The following COMMD1 variants were observed in gnomAD, a reference collection of about 807,000 sequenced individuals.
COMMD1 encodes the protein copper metabolism domain containing 1.
Under a neutral mutation model 17.2 loss-of-function variants are expected in COMMD1, and 10 were observed. The observed-to-expected ratio is 0.58, with a 90% CI of 0.36 to 0.99. The LOEUF is 0.99. COMMD1 is among the 50% of genes least tolerant of loss of function. The pLI, the probability that COMMD1 is intolerant of heterozygous loss-of-function variation, is 0.01. For missense variants in COMMD1, 270 were observed against 231.8 expected (o/e 1.17, Z -1.07); for synonymous variants, 97 against 91.6 (o/e 1.06, Z -0.34).
At chr2:61,912,170 G>A (rs906835534) in intron 1 of COMMD1, among the ~76,000 whole-genome samples, 11 of 152,056 alleles carry the variant, frequency 7.2e-5, no homozygotes, top group African/African-American at 2.2e-4. Flanking sequence ...GCATTAGGAG[G>A]GCAGGACTTT....
At chr2:62,125,674 T>A (rs1672866386) in intron 2 of COMMD1, among the ~76,000 whole-genome samples, 3 of 152,242 alleles carry the variant, frequency 2.0e-5, no homozygotes, top group Admixed American at 2.0e-4. Flanking sequence ...TGTTTTAAGA[T>A]ACAGCATAAA....
intron 2 of COMMD1, among the ~76,000 whole-genome samples, chr2:62,071,528 G>A (rs535327275): frequency 9.2e-5 from 14 of 152,078 alleles, no homozygotes; most frequent in Admixed American, 1.3e-4. Flanking sequence ...TACCCAGGCC[G>A]TATTCAAGAT....
At chr2:62,055,237 G>T (rs969659361) in intron 2 of COMMD1, among the ~76,000 whole-genome samples, 1 of 152,158 alleles carries the variant, frequency 6.6e-6, no homozygotes, top group Non-Finnish European at 1.5e-5. Flanking sequence ...TTCCATCTGG[G>T]CCTCTTTTCC....
At chr2:62,002,930 T>G (rs1420699520) in intron 2 of COMMD1, among the ~76,000 whole-genome samples, 2 of 151,940 alleles carry the variant, frequency 1.3e-5, no homozygotes, top group Non-Finnish European at 2.9e-5. Context: ...CTAGTTTGTC[T>G]GATCCTAAAG....
At chr2:61,911,155 A>G (rs1669896251) in intron 1 of COMMD1, among the ~76,000 whole-genome samples, 1 of 150,044 alleles carries the variant, frequency 6.7e-6, no homozygotes, top group Non-Finnish European at 1.5e-5. Flanking sequence ...CATATACTCT[A>G]GTACTCATTT....
intron 2 of COMMD1, among the ~76,000 whole-genome samples, chr2:62,115,667 A>G (rs777946179): frequency 6.6e-5 from 10 of 152,204 alleles, no homozygotes; most frequent in Non-Finnish European, 1.5e-4. Context: ...TAGGAAATAT[A>G]CACTAAGCTA....
chr2:61,982,078 G>A (rs1016406503), intron 1 of COMMD1, among the ~76,000 whole-genome samples: 11 of 152,190 alleles, frequency 7.2e-5, no homozygotes, highest in African/African-American at 1.2e-4. Flanking sequence ...GCTTTGCATA[G>A]TATAGACATT....
chr2:62,135,012 T>A (rs959235056), intron 2 of COMMD1, among the ~76,000 whole-genome samples: 2 of 152,190 alleles, frequency 1.3e-5, no homozygotes, highest in African/African-American at 4.8e-5. Flanking sequence ...TTAGCTCACT[T>A]CCCAGACTAA....
chr2:62,055,337 G>T (rs1426175966), intron 2 of COMMD1: 5 of 427,336 alleles, frequency 1.2e-5, no homozygotes, highest in Non-Finnish European at 2.3e-5. Flanking sequence ...TATTTGAAAA[G>T]GGGGAAAGAC....
intron 2 of COMMD1, among the ~76,000 whole-genome samples, chr2:62,132,689 A>C (rs1328918107): frequency 6.6e-6 from 1 of 152,102 alleles, no homozygotes; most frequent in Non-Finnish European, 1.5e-5. Context: ...TATTGAAAAA[A>C]AATACAAAAA....
rs555366869 is a variant in COMMD1, at chr2:61,998,410, C to T, written c.181-2291C>T. On this transcript the variant is annotated intron_variant, in intron 1 of 2. Transcript: ENST00000311832. ...GAGTAGTTGGGATTACAGGCGTGCGCCACTACGCCCAGCTAATTTTTGTAT... is the reference window on the plus strand; with the variant it reads ...GAGTAGTTGGGATTACAGGCGTGCGTCACTACGCCCAGCTAATTTTTGTAT... 3.8e-4 allele frequency among the ~76,000 whole-genome samples: 58 copies of T among 152,256 alleles called. No individual in the cohort carries two copies. In the South Asian group the frequency reaches 1.0e-2, roughly 26 times the overall value.
upstream of COMMD1, chr2:61,905,550 C>T (rs369600690): frequency 1.4e-5 from 12 of 871,260 alleles, no homozygotes; most frequent in African/African-American, 1.2e-4. Context: ...CAACTCTGAC[C>T]CCTGGGGAAG....
chr2:62,087,067 G>A (rs1490173902), intron 2 of COMMD1, among the ~76,000 whole-genome samples: 1 of 152,024 alleles, frequency 6.6e-6, no homozygotes, highest in Non-Finnish European at 1.5e-5. Context: ...CAAATGACCT[G>A]CCTGCCTTCG....
chr2:62,013,271 T>A (rs1182750329), intron 2 of COMMD1, among the ~76,000 whole-genome samples: 1 of 150,104 alleles, frequency 6.7e-6, no homozygotes, highest in Non-Finnish European at 1.5e-5. Flanking sequence ...AAAAAAAAAA[T>A]ACAAAACAAC....
rs940513841 is a variant in COMMD1, at chr2:61,998,319, G to A, written c.181-2382G>A. ...CCAGGCTGAGGCTGGAAGTGCAGTC[G>A]TACTATCTTGGCTCACTGCAACCTC... On this transcript the variant is annotated intron_variant, in intron 1 of 2. Coordinates refer to ENST00000311832, the MANE Select transcript of COMMD1 (RefSeq NM_152516.4). Among the ~76,000 whole-genome samples, 16 of 149,490 alleles carry A rather than the reference G, an allele frequency of 1.1e-4. No individual in the cohort carries two copies. The East Asian group carries it at 2.0e-3, about 18-fold the overall frequency.
intron 2 of COMMD1, among the ~76,000 whole-genome samples, chr2:62,126,363 G>T (rs1227849510): frequency 1.3e-5 from 2 of 152,180 alleles, no homozygotes; most frequent in African/African-American, 2.4e-5. Flanking sequence ...TTCCACAATG[G>T]TTGGACTAAT....
intron 1 of COMMD1, among the ~76,000 whole-genome samples, chr2:61,990,652 T>C (rs1173914136): frequency 1.3e-5 from 2 of 152,144 alleles, no homozygotes; most frequent in African/African-American, 4.8e-5. Flanking sequence ...GTGAAAGTCA[T>C]GTCTCACATG....
intron 2 of COMMD1, among the ~76,000 whole-genome samples, chr2:62,103,953 A>G (rs144146279): frequency 0.015 from 2,309 of 151,576 alleles, 77 homozygotes; most frequent in African/African-American, 0.053. Context: ...TGATTCTCCC[A>G]CCTCAGCCTC....
chr2:62,116,480 T>C (rs10203548), intron 2 of COMMD1, among the ~76,000 whole-genome samples: 4,502 of 152,142 alleles, frequency 0.03, 104 homozygotes, highest in East Asian at 0.084. Context: ...AAGACCAGCC[T>C]GGCCAACATG....
Sources: allele counts gnomAD v4.1 joint callset (sites outside exome capture counted in the v4.1 genomes callset), GRCh38; gene constraint gnomAD v4.1.1; transcripts MANE v1.5; gene names NCBI Gene and HGNC (gene_info 2026-07-23, HGNC 2026-07-21).